Variants in MAU2 observed in about 807,000 individuals in gnomAD.
MAU2 encodes the protein MAU2 chromatid cohesion factor homolog.
A neutral mutation model predicts 89.1 loss-of-function variants in MAU2; 9 were observed. The observed-to-expected ratio is 0.10, with a 90% CI of 0.06 to 0.18. The LOEUF (loss-of-function observed/expected upper bound fraction) is 0.18. MAU2 is among the 10% of genes least tolerant of loss of function. The pLI is 1.00. For missense variants in MAU2, 425 were observed against 803.5 expected (o/e 0.53, Z 5.69); for synonymous variants, 357 against 343.4 (o/e 1.04, Z -0.44).
intron 1 of MAU2, among the ~76,000 whole-genome samples, chr19:19,327,789 T>G (rs765637084): frequency 2.0e-5 from 3 of 152,030 alleles, no homozygotes; most frequent in Non-Finnish European, 2.9e-5. Context: ...CTCAGCAGAT[T>G]CTGGAGCTGT....
rs770328657 is a variant in MAU2, at chr19:19,349,150, T to C, written c.1359-5T>C. 6.2e-7 allele frequency: 1 copy of C among 1,614,056 alleles called. No individual in the cohort carries two copies. Among genetic ancestry groups the C allele is most frequent in the Non-Finnish European group, 8.5e-7 (1 of 1,180,008 alleles). On this transcript the variant is annotated splice_region_variant and splice_polypyrimidine_tract_variant and intron_variant, in intron 14 of 18. Transcript: ENST00000262815. ...ACCCCATGTGATACTGCACTCTCCCTGCAGCTCGCACTGCCTCCGAGCAGC... is the reference window on the plus strand; with the variant it reads ...ACCCCATGTGATACTGCACTCTCCCCGCAGCTCGCACTGCCTCCGAGCAGC...
intron 4 of MAU2, among the ~76,000 whole-genome samples, chr19:19,337,899 G>A (rs975902591): frequency 1.1e-4 from 17 of 152,184 alleles, no homozygotes; most frequent in African/African-American, 2.2e-4. Flanking sequence ...CGGCCTTCCC[G>A]GCTGCAGTGG....
intron 12 of MAU2, among the ~76,000 whole-genome samples, chr19:19,346,702 T>C (rs1055959728): frequency 6.6e-6 from 1 of 152,182 alleles, no homozygotes; most frequent in Non-Finnish European, 1.5e-5. Context: ...CTACATAGAT[T>C]GGACCCTCTC....
chr19:19,348,959 C>G (rs771650568), intron 14 of MAU2, 21 bp downstream of exon 14: 1 of 1,611,914 alleles, frequency 6.2e-7, no homozygotes. Flanking sequence ...CCAGGCACCA[C>G]TCCACGCACG....
rs142482998 is a variant in MAU2, at chr19:19,349,158, G to T, written c.1362G>T (p.Ser454=). The T allele has an allele frequency of 6.2e-6, 10 of 1,614,044 alleles. No homozygotes were observed. Among genetic ancestry groups the T allele is most frequent in the Non-Finnish European group, 8.5e-6 (10 of 1,180,018 alleles). ...TGATACTGCACTCTCCCTGCAGCTC[G>T]CACTGCCTCCGAGCAGCCGCCTTCT... ...INPDHSFPVS[S]HCLRAAAFYV... The change falls in exon 15 of 19, where the codon TCG becomes TCT. Residue 454 remains serine, a synonymous_variant. Transcript: ENST00000262815.
intron 1 of MAU2, chr19:19,334,147 C>G: frequency 2.0e-6 from 2 of 984,888 alleles, no homozygotes; most frequent in South Asian, 4.7e-5. Context: ...TGTTGCATCA[C>G]ACACGTTGCC....
rs747595554 is a variant in MAU2, at chr19:19,320,890, G to A, written c.31G>A (p.Ala11Thr). Reference sequence around the variant, plus strand: ...GGCTCAGGCGGCGGCAGCGGCCCAGGCGGCGGCGGCCCAGGCTGCGCAGGC... The same window carrying A: ...GGCTCAGGCGGCGGCAGCGGCCCAGACGGCGGCGGCCCAGGCTGCGCAGGC... MAAQAAAAAQ[A>T]AAAQAAQAEA... is the part of the protein sequence containing the mutation. Residue 11 changes from alanine (A) to threonine (T), a missense_variant, in exon 1 of 19, where the codon GCG (alanine) becomes ACG (threonine). By Grantham distance (58) the Ala-to-Thr change is moderately conservative. Around this residue, in one of 11 missense-constraint regions of MAU2, gnomAD observed 61 missense variants for 40.1 expected, o/e 1.52. Coordinates refer to ENST00000262815, the MANE Select transcript of MAU2 (RefSeq NM_015329.4). The A allele has an allele frequency of 6.7e-7, 1 of 1,493,084 alleles. No individual in the cohort carries two copies. Among genetic ancestry groups the A allele is most frequent in the Non-Finnish European group, 9.0e-7 (1 of 1,108,598 alleles). 92.5% of individuals were successfully genotyped at this position (1,493,084 alleles called of 1,614,324 possible). A position where few individuals can be genotyped will look rare whatever the true frequency, so the allele number is the denominator to read the frequency against.
chr19:19,323,203 CT>C (rs908220669), intron 1 of MAU2, among the ~76,000 whole-genome samples: 10 of 146,030 alleles, frequency 6.8e-5, no homozygotes, highest in South Asian at 2.2e-4. Flanking sequence ...AATTTTTTTT[CT>C]TTTTTTTTTG....
chr19:19,345,096 G>C lies in MAU2; in HGVS notation c.1155+170G>C, dbSNP rs2061682489. The C allele has an allele frequency of 2.7e-6, 2 of 741,100 alleles. No individual in the cohort carries two copies. Among genetic ancestry groups the C allele is most frequent in the Admixed American group, 4.5e-5 (2 of 44,908 alleles). 45.9% of individuals were successfully genotyped at this position (741,100 alleles called of 1,614,324 possible). On this transcript the variant is annotated intron_variant, in intron 11 of 18. Transcript: ENST00000262815. The surrounding 1 kb of genome is among the most constrained non-coding windows in gnomAD (Gnocchi z 4.9). ...AACCTTCCCAGGCACGATCCGGAAT[G>C]CTCCCAGTGAGCATCTTGTCCCACC...
Position 19,355,356 on chromosome 19 carries a change from G to A in MAU2, c.1732G>A (p.Glu578Lys). The A allele has an allele frequency of 6.2e-7, 1 of 1,614,072 alleles. No homozygotes were observed. Among genetic ancestry groups the A allele is most frequent in the Non-Finnish European group, 8.5e-7 (1 of 1,179,972 alleles). ...GCAGCAGCTGCTCCAGGACCACATT[G>A]AGGCCTGCAGCCTCCCCGAACACAA... ...FSQQLLQDHI[E>K]ACSLPEHNLI... The change falls in exon 18 of 19, where the codon GAG becomes AAG. Residue 578 changes from glutamate to lysine, a missense_variant. By Grantham distance (56) the Glu-to-Lys change is moderately conservative (BLOSUM62 1). Around this residue, in one of 11 missense-constraint regions of MAU2, gnomAD observed 33 missense variants for 94.1 expected, o/e 0.35. Coordinates refer to ENST00000262815, the MANE Select transcript of MAU2 (RefSeq NM_015329.4).
At chr19:19,323,015 C>T (rs568231080) in intron 1 of MAU2, among the ~76,000 whole-genome samples, 26 of 152,000 alleles carry the variant, frequency 1.7e-4, no homozygotes, top group Non-Finnish European at 2.8e-4. Flanking sequence ...CTCAGCCTCC[C>T]GAGTAGCTGG....
At chr19:19,335,416 T>C (rs1248951437) in intron 1 of MAU2, among the ~76,000 whole-genome samples, 2 of 152,192 alleles carry the variant, frequency 1.3e-5, no homozygotes, top group Non-Finnish European at 2.9e-5. Context: ...TCTGTTCCTT[T>C]CTGAAGCAGC....
intron 14 of MAU2, 104 bp downstream of exon 14, chr19:19,349,042 CACAG>C: frequency 2.6e-6 from 4 of 1,557,332 alleles, no homozygotes; most frequent in Non-Finnish European, 3.5e-6. Context: ...TACCCCTCCT[CACAG>C]ACAGTCTGCA....
At chr19:19,334,327 C>T in intron 1 of MAU2, 2 of 985,596 alleles carry the variant, frequency 2.0e-6, no homozygotes, top group Non-Finnish European at 1.2e-6. Flanking sequence ...GTGGTCTGGG[C>T]TCCTGCGTGT....
rs2061444075 is a variant in MAU2 at position 19,320,852 on chromosome 19, A to G, written c.-8A>G. The G allele has an allele frequency of 6.6e-7, 1 of 1,518,518 alleles. No individual in the cohort carries two copies. 94.1% of individuals were successfully genotyped at this position (1,518,518 alleles called of 1,614,324 possible). A position where few individuals can be genotyped will look rare whatever the true frequency, so the allele number is the denominator to read the frequency against. On this transcript the variant is annotated 5_prime_UTR_variant, in exon 1 of 19. Coordinates refer to ENST00000262815, the MANE Select transcript of MAU2 (RefSeq NM_015329.4). ...CTGTGGCGGCGGCTTGTTGTTGTGG[A>G]GGCCAAAATGGCGGCTCAGGCGGCG...
chr19:19,351,306 C>T (rs1323666537), intron 16 of MAU2, among the ~76,000 whole-genome samples: 1 of 151,880 alleles, frequency 6.6e-6, no homozygotes. Context: ...CTTCAGCCTC[C>T]CAAAGTGCTA....
intron 17 of MAU2, among the ~76,000 whole-genome samples, chr19:19,354,976 C>T (rs2048160801): frequency 6.6e-6 from 1 of 152,160 alleles, no homozygotes. Context: ...GCGTCCTGCC[C>T]CAATGAGCGC....
At position 19,345,177 on chromosome 19, in the gene MAU2, G is replaced by C; in HGVS notation, c.1156-127G>C. The C allele has an allele frequency of 1.2e-6, 1 of 855,450 alleles. No individual in the cohort carries two copies. The highest frequency in any genetic ancestry group is 1.9e-6 in the Non-Finnish European group (1 of 520,226). 53.0% of individuals were successfully genotyped at this position (855,450 alleles called of 1,614,324 possible). A position where few individuals can be genotyped will look rare whatever the true frequency, so the allele number is the denominator to read the frequency against. On this transcript the variant is annotated intron_variant, in intron 11 of 18. Transcript: ENST00000262815. This position sits in a 1 kb window ranked among gnomAD's most constrained non-coding sequence, Gnocchi z 4.9. Reference sequence around the variant, plus strand: ...CAGTGAGCATATTACCTGCCTTGCAGCTGGCTCGGTAGAGCCATTGTCATA... The same window carrying C: ...CAGTGAGCATATTACCTGCCTTGCACCTGGCTCGGTAGAGCCATTGTCATA...
chr19:19,333,297 C>T (rs747251150), intron 1 of MAU2, among the ~76,000 whole-genome samples: 6 of 152,070 alleles, frequency 3.9e-5, no homozygotes, highest in South Asian at 2.1e-4. Flanking sequence ...CCAGTCTGGG[C>T]GGCGTAGCCA....
Sources: allele counts gnomAD v4.1 joint callset (sites outside exome capture counted in the v4.1 genomes callset), GRCh38; gene constraint gnomAD v4.1.1; regional missense constraint gnomAD v4.1.1; non-coding constraint Gnocchi (gnomAD v3.1); transcripts MANE v1.5; gene names NCBI Gene and HGNC (gene_info 2026-07-23, HGNC 2026-07-21).